Variants in MAST3 observed in about 807,000 individuals in gnomAD.
MAST3 encodes microtubule associated serine/threonine kinase 3.
A neutral mutation model predicts 127.0 loss-of-function variants in MAST3; 43 were observed. The ratio of observed to expected loss-of-function variants is 0.34; its 90% confidence interval spans 0.27 to 0.44. The LOEUF (loss-of-function observed/expected upper bound fraction) is 0.44. Ranked by LOEUF, MAST3 falls within the 20% of genes least tolerant of loss-of-function variation. The probability of loss-of-function intolerance (pLI) is 1.00; values close to 1 mark genes in which losing one functional copy is unlikely to be tolerated. For synonymous variants in MAST3, 785 were observed against 809.2 expected, an observed-to-expected ratio of 0.97 and a Z score of 0.51; for missense variants, 1,390 against 1,919.1, an observed-to-expected ratio of 0.72 and a Z score of 5.15.
At position 18,145,323 on chromosome 19, in the gene MAST3, G is replaced by A; in HGVS notation, c.3039+94G>A. ...AGAGCTGCATTTTGGAGCCTGGCAG[G>A]GTTAGGTAGATAGAGCTGGTGCCAC... On this transcript the variant is annotated intron_variant, in intron 24 of 27. Transcript: ENST00000687212. The surrounding 1 kb of genome is among the most constrained non-coding windows in gnomAD (Gnocchi z 5.9). 2 of 1,252,904 alleles carry A rather than the reference G, an allele frequency of 1.6e-6. No individual in the cohort carries two copies. Among genetic ancestry groups the A allele is most frequent in the South Asian group, 1.3e-5 (1 of 78,452 alleles). 77.6% of individuals were successfully genotyped at this position (1,252,904 alleles called of 1,614,324 possible). A position where few individuals can be genotyped will look rare whatever the true frequency, so the allele number is the denominator to read the frequency against.
intron 1 of MAST3, among the ~76,000 whole-genome samples, chr19:18,106,723 C>G (rs2038095695): frequency 1.3e-5 from 2 of 151,488 alleles, no homozygotes; most frequent in African/African-American, 4.9e-5. Flanking sequence ...AGGCACCCAC[C>G]ACCATGCCTG....
intron 14 of MAST3, among the ~76,000 whole-genome samples, chr19:18,131,237 G>A (rs974484552): frequency 2.0e-5 from 3 of 151,864 alleles, no homozygotes; most frequent in Admixed American, 2.0e-4. Flanking sequence ...GCAACATGGC[G>A]AAACCCCCAT....
At chr19:18,123,068 T>TGCATCTC in intron 6 of MAST3, 149 bp from the exon 7 acceptor site, 2 of 858,772 alleles carry the variant, frequency 2.3e-6, no homozygotes, top group Non-Finnish European at 3.7e-6. Context: ...AGAGCTAGGG[T>TGCATCTC]TTTGAGGGAT....
intron 1 of MAST3, among the ~76,000 whole-genome samples, chr19:18,100,492 A>G (rs1367665984): frequency 1.3e-5 from 2 of 152,160 alleles, no homozygotes; most frequent in Non-Finnish European, 2.9e-5. Context: ...CCCTATCTCA[A>G]AAATAAAAAT....
intron 1 of MAST3, among the ~76,000 whole-genome samples, chr19:18,100,420 C>T (rs2037495726): frequency 6.6e-6 from 1 of 152,012 alleles, no homozygotes; most frequent in African/African-American, 2.4e-5. Flanking sequence ...GCCACCGCGC[C>T]CAGCCAAGAA....
chr19:18,122,553 A>G (rs2040126038), intron 5 of MAST3, 120 bp from the exon 6 acceptor site: 1 of 828,428 alleles, frequency 1.2e-6, no homozygotes, highest in Admixed American at 2.1e-5. Context: ...GTTCTTGGTT[A>G]TTTTCAGGAG....
rs759329372 is a variant in MAST3 at position 18,149,213 on chromosome 19, C to T, written c.3531C>T (p.Ser1177=). The T allele has an allele frequency of 1.5e-5, 23 of 1,546,314 alleles. No homozygotes were observed. The South Asian group carries it at 1.9e-4, about 13-fold the overall frequency. ...CAGATACCACTGCATCCCCACCCAG[C>T]GCATCCCCGAGCTCCAGCAGCCCCG... The part of the protein sequence containing the change: ...VPADTTASPP[S]ASPSSSSPAS... Residue 1177 remains serine (S), a synonymous_variant, in exon 28 of 28, where the codon AGC becomes AGT. Transcript: ENST00000687212. The surrounding 1 kb of genome is among the most constrained non-coding windows in gnomAD (Gnocchi z 5.9).
chr19:18,144,571 G>A lies in MAST3; in HGVS notation c.2690G>A (p.Gly897Asp). ...GCCGGCCGGGGCCGCCGCCTTGGGG[G>A]CCCAAGAGACCCAGCCCCTGAGAAG... ...LDAGRGRRLGGPRDPAPEKSR... is the reference protein window; with the variant it reads ...LDAGRGRRLGDPRDPAPEKSR... Residue 897 changes from glycine (G) to aspartate (D), a missense_variant, in exon 23 of 28, where the codon GGC becomes GAC. Gly to Asp is a moderately conservative substitution (Grantham distance 94). Transcript: ENST00000687212. This position sits in a 1 kb window ranked among gnomAD's most constrained non-coding sequence, Gnocchi z 4.0. 4 of 1,609,966 alleles carry A rather than the reference G, an allele frequency of 2.5e-6. No individual in the cohort carries two copies. Among genetic ancestry groups the A allele is most frequent in the Non-Finnish European group, 2.5e-6 (3 of 1,178,956 alleles).
Position 18,149,531 on chromosome 19 carries a change from G to T in MAST3, c.3849G>T (p.Glu1283Asp). Residue 1283 changes from glutamate to aspartate, a missense_variant, in exon 28 of 28, where the codon GAG becomes GAT. By Grantham distance (45) the Glu-to-Asp change is conservative. Coordinates refer to ENST00000687212, the MANE Select transcript of MAST3 (RefSeq NM_001393504.1). This position sits in a 1 kb window ranked among gnomAD's most constrained non-coding sequence, Gnocchi z 5.9. ...GEAGRRTRGP[E>D]AELVVMRRLH... is the part of the protein sequence containing the mutation. ...CGGGGCGGCGCACTCGTGGGCCAGA[G>T]GCCGAGCTCGTGGTCATGCGGCGGC... 2 of 1,557,452 alleles carry T rather than the reference G, an allele frequency of 1.3e-6. No homozygotes were observed. Among genetic ancestry groups the T allele is most frequent in the Non-Finnish European group, 1.7e-6 (2 of 1,151,442 alleles).
At chr19:18,106,804 C>T (rs1412134473) in intron 1 of MAST3, among the ~76,000 whole-genome samples, 1 of 151,486 alleles carries the variant, frequency 6.6e-6, no homozygotes, top group Admixed American at 6.6e-5. Context: ...CTCCCGACCT[C>T]AGGTGATCTG....
intron 13 of MAST3, among the ~76,000 whole-genome samples, chr19:18,129,938 GGAAAGAAA>G (rs1255458736): frequency 7.0e-6 from 1 of 142,848 alleles, no homozygotes; most frequent in Middle Eastern, 3.4e-3. Flanking sequence ...AAAAAAAAAA[GGAAAGAAA>G]GAAAGAAAGA....
At chr19:18,146,552 G>A (rs894850605) in intron 25 of MAST3, among the ~76,000 whole-genome samples, 9 of 152,266 alleles carry the variant, frequency 5.9e-5, no homozygotes, top group Admixed American at 5.9e-4. Flanking sequence ...TGGGCCATTA[G>A]GTGAGTGATT....
In MAST3 at chr19:18,097,798, C is replaced by A. The variant is rs1599621004; in HGVS notation, c.6C>A (p.Asp2Glu). M[D>E]ESSLLRRRGL... ...GCGGCGCGGACTCCCGGGCCATGGACGAGTCGAGCCTCCTGCGGCGCCGCG... is the reference window on the plus strand; with the variant it reads ...GCGGCGCGGACTCCCGGGCCATGGAAGAGTCGAGCCTCCTGCGGCGCCGCG... The change falls in exon 1 of 28, where the codon GAC becomes GAA. Residue 2 changes from aspartate (D) to glutamate (E), a missense_variant. Transcript: ENST00000687212. The A allele has an allele frequency of 1.6e-6, 2 of 1,222,612 alleles. No individual in the cohort carries two copies. Among genetic ancestry groups the A allele is most frequent in the East Asian group, 3.2e-5 (1 of 30,986 alleles). 75.7% of individuals were successfully genotyped at this position (1,222,612 alleles called of 1,614,324 possible).
chr19:18,117,832 A>G (rs1178079573), intron 3 of MAST3, among the ~76,000 whole-genome samples: 1 of 150,506 alleles, frequency 6.6e-6, no homozygotes, highest in Non-Finnish European at 1.5e-5. Context: ...GCCCGGCCTC[A>G]GCCGCCCGCG....
At chr19:18,125,167 C>T (rs2040467160) in intron 11 of MAST3, among the ~76,000 whole-genome samples, 2 of 152,132 alleles carry the variant, frequency 1.3e-5, no homozygotes, top group Admixed American at 1.3e-4. Context: ...CCATCCGATT[C>T]CAGAACCACC....
intron 1 of MAST3, among the ~76,000 whole-genome samples, chr19:18,098,049 G>A (rs2037143309): frequency 6.6e-6 from 1 of 152,170 alleles, no homozygotes; most frequent in African/African-American, 2.4e-5. Context: ...TAGGGAAACT[G>A]AGGCTCCAAG....
intron 1 of MAST3, among the ~76,000 whole-genome samples, chr19:18,101,957 C>T (rs1403140596): frequency 7.0e-6 from 1 of 143,220 alleles, no homozygotes; most frequent in Non-Finnish European, 1.5e-5. Context: ...GCGTGATCTC[C>T]GCTCATTCCA....
chr19:18,144,475 C>T lies in MAST3; in HGVS notation c.2594C>T (p.Ala865Val). Reference protein sequence around the residue: ...PKPSSLSADTAALSHARLRSN... With the variant: ...PKPSSLSADTVALSHARLRSN... Reference sequence around the variant, plus strand: ...CCTGCTGACCCTCTAGCCGACACAGCTGCTCTCAGCCACGCCCGCCTACGG... The same window carrying T: ...CCTGCTGACCCTCTAGCCGACACAGTTGCTCTCAGCCACGCCCGCCTACGG... Residue 865 changes from alanine (A) to valine (V), a missense_variant, in exon 23 of 28, where the codon GCT (alanine) becomes GTT (valine). Transcript: ENST00000687212. This position sits in a 1 kb window ranked among gnomAD's most constrained non-coding sequence, Gnocchi z 4.0. The T allele has an allele frequency of 6.4e-7, 1 of 1,568,604 alleles. No individual in the cohort carries two copies. The highest frequency in any genetic ancestry group is 8.6e-7 in the Non-Finnish European group (1 of 1,159,432).
chr19:18,142,114 T>A, intron 21 of MAST3, 99 bp downstream of exon 21: 1 of 1,243,928 alleles, frequency 8.0e-7, no homozygotes, highest in Non-Finnish European at 1.0e-6. Flanking sequence ...AGTGGCCAAG[T>A]AGAAAAGGGT....
Sources: gnomAD v4.1 joint callset for allele counts (sites outside exome capture counted in the v4.1 genomes callset) on GRCh38, gnomAD v4.1.1 for gene constraint, Gnocchi (gnomAD v3.1) non-coding constraint, MANE v1.5 for transcripts, NCBI Gene and HGNC (gene_info 2026-07-23, HGNC 2026-07-21) for gene names.